Variants in MGRN1 observed in about 807,000 individuals in gnomAD.
MGRN1 encodes the protein mahogunin ring finger 1.
Under a neutral mutation model 69.2 loss-of-function variants are expected in MGRN1, and 29 were observed. The ratio of observed to expected loss-of-function variants is 0.42; its 90% CI spans 0.31 to 0.57. MGRN1 has a LOEUF of 0.57. MGRN1 is among the 20% of genes least tolerant of loss of function. The pLI is 0.15. For synonymous variants in MGRN1, 470 were observed against 344.2 expected (o/e 1.37, Z -4.04); for missense variants, 998 against 796.2 (o/e 1.25, Z -3.05).
intron 10 of MGRN1, 48 bp downstream of exon 10, chr16:4,673,705 A>T (rs758754143): frequency 6.2e-7 from 1 of 1,600,632 alleles, no homozygotes; most frequent in East Asian, 2.2e-5. Flanking sequence ...GAAATTAGGG[A>T]CTGGCCACAC....
At chr16:4,651,157 A>C (rs2078398463) in intron 2 of MGRN1, 1 of 152,226 alleles carries the variant, frequency 6.6e-6, no homozygotes, top group South Asian at 2.1e-4. Context: ...AGTGGGCAAG[A>C]GACATGGTCC....
chr16:4,643,333 T>C (rs2078203499), intron 1 of MGRN1, among the ~76,000 whole-genome samples: 1 of 151,872 alleles, frequency 6.6e-6, no homozygotes. Context: ...TGGGCTCAAG[T>C]GAACCTCCCA....
intron 5 of MGRN1, 25 bp downstream of exon 5, chr16:4,657,388 G>A: frequency 6.3e-7 from 1 of 1,599,156 alleles, no homozygotes; most frequent in African/African-American, 1.3e-5. Context: ...GCGGCTCCTT[G>A]CCCTTCGCTC....
intron 1 of MGRN1, among the ~76,000 whole-genome samples, chr16:4,626,413 C>G (rs965739827): frequency 6.6e-6 from 1 of 152,158 alleles, no homozygotes; most frequent in Non-Finnish European, 1.5e-5. Context: ...TGATATTCTT[C>G]CAGCCTGCCT....
chr16:4,625,306 C>T (rs1435565618), intron 1 of MGRN1, among the ~76,000 whole-genome samples: 2 of 152,222 alleles, frequency 1.3e-5, no homozygotes, highest in Non-Finnish European at 2.9e-5. Context: ...CCCCGGGCAC[C>T]TCAGCTCCGT....
At chr16:4,630,141 C>G (rs930467341) in intron 1 of MGRN1, among the ~76,000 whole-genome samples, 5 of 150,578 alleles carry the variant, frequency 3.3e-5, no homozygotes, top group African/African-American at 9.8e-5. Context: ...TGCCTGAGCT[C>G]AGGAGTTTGA....
intron 5 of MGRN1, 108 bp downstream of exon 5, chr16:4,657,471 A>G: frequency 4.5e-6 from 5 of 1,123,176 alleles, no homozygotes; most frequent in East Asian, 2.4e-5. Flanking sequence ...TCCAGGGTTC[A>G]TAAGACCTGG....
chr16:4,671,229 A>G, intron 8 of MGRN1, 162 bp from the exon 9 acceptor site: 2 of 642,618 alleles, frequency 3.1e-6, no homozygotes, highest in South Asian at 3.7e-5. Context: ...GGGGGCAAGC[A>G]GCAGGTTTTC....
intron 1 of MGRN1, among the ~76,000 whole-genome samples, chr16:4,636,604 T>C (rs1272920409): frequency 6.6e-6 from 1 of 152,182 alleles, no homozygotes; most frequent in Non-Finnish European, 1.5e-5. Context: ...CGAATTTGCA[T>C]GTCTGCAGGC....
intron 9 of MGRN1, among the ~76,000 whole-genome samples, chr16:4,673,248 A>G (rs1157669694): frequency 1.3e-5 from 2 of 152,146 alleles, no homozygotes; most frequent in Admixed American, 6.5e-5. Context: ...AAGAACAGAA[A>G]GAGACCATGT....
Position 4,664,822 on chromosome 16 carries a change from G to GA in MGRN1, c.628+48dup, listed in dbSNP as rs776561954. On this transcript the variant is annotated intron_variant, in intron 6 of 16. Coordinates refer to ENST00000262370, the MANE Select transcript of MGRN1 (RefSeq NM_015246.4). ...CTCCTGGGCGTGCAGGCCGTGCAGGGAGGAAGCACGTCTTGAGGGAGGAGT... is the reference window on the plus strand; with the variant it reads ...CTCCTGGGCGTGCAGGCCGTGCAGGGAAGGAAGCACGTCTTGAGGGAGGAGT... 1.9e-6 allele frequency: 3 copies of GA among 1,603,674 alleles called. No homozygotes were observed. In the African/African-American group the frequency reaches 4.0e-5, roughly 21 times the overall value.
chr16:4,661,858 G>A (rs1224429324), intron 5 of MGRN1, among the ~76,000 whole-genome samples: 1 of 152,238 alleles, frequency 6.6e-6, no homozygotes, highest in Non-Finnish European at 1.5e-5. Context: ...TGCCTGCCCA[G>A]GGCTTCTTGT....
chr16:4,687,606 C>CACACACACACAT, intron 16 of MGRN1: 1 of 985,074 alleles, frequency 1.0e-6, no homozygotes, highest in African/African-American at 1.8e-5. Context: ...CACACACACA[C>CACACACACACAT]ACGGGGGAGA....
intron 1 of MGRN1, among the ~76,000 whole-genome samples, chr16:4,630,091 C>T (rs1393752473): frequency 6.7e-6 from 1 of 148,712 alleles, no homozygotes; most frequent in Non-Finnish European, 1.5e-5. Flanking sequence ...GTGGCTCGCG[C>T]CTGTAATCCT....
Position 4,688,953 on chromosome 16 carries a change from T to A in MGRN1, c.*45T>A. The A allele has an allele frequency of 6.6e-7, 1 of 1,507,734 alleles. No homozygotes were observed. The highest frequency in any genetic ancestry group is 8.9e-7 in the Non-Finnish European group (1 of 1,120,058). The allele number at this position is 1,507,734 out of a possible 1,614,324, so 93.4% of individuals were successfully genotyped here. On this transcript the variant is annotated 3_prime_UTR_variant, in exon 17 of 17. Transcript: ENST00000262370. ...GCATGGAGCCCTCGGCTCCCCAGACTTTGCCGAGGGGCTGCTCCGGACCCC... is the reference window on the plus strand; with the variant it reads ...GCATGGAGCCCTCGGCTCCCCAGACATTGCCGAGGGGCTGCTCCGGACCCC...
intron 16 of MGRN1, among the ~76,000 whole-genome samples, chr16:4,684,986 C>T (rs1352515203): frequency 6.6e-6 from 1 of 152,212 alleles, no homozygotes; most frequent in African/African-American, 2.4e-5. Flanking sequence ...CTCTTGTGCC[C>T]CCGGACTCTG....
At chr16:4,650,197 G>A in intron 1 of MGRN1, 168 bp from the exon 2 acceptor site, 2 of 537,238 alleles carry the variant, frequency 3.7e-6, no homozygotes, top group South Asian at 2.2e-5. Flanking sequence ...CAGCTACTCG[G>A]GAGGCTGAGG....
intron 1 of MGRN1, among the ~76,000 whole-genome samples, chr16:4,648,546 T>G (rs2078327714): frequency 9.7e-6 from 1 of 102,898 alleles, no homozygotes; most frequent in Non-Finnish European, 1.8e-5. Flanking sequence ...GTCACCCGGG[T>G]CCTCCTCCCG....
Position 4,686,765 on chromosome 16 carries a change from A to G in MGRN1, c.1619-2031A>G, listed in dbSNP as rs1034000066. The G allele has an allele frequency of 2.6e-5, 26 of 995,206 alleles. No individual in the cohort carries two copies. The African/African-American group carries it at 3.8e-4, about 15-fold the overall frequency. The allele number at this position is 995,206 out of a possible 1,614,324, so 61.6% of individuals were successfully genotyped here. A position where few individuals can be genotyped will look rare whatever the true frequency, so the allele number is the denominator to read the frequency against. ...TGGCCTTGTTCCGGATGGTCCCACC[A>G]TGAGTTCGCATCGGTCCTGCAGCAG... On this transcript the variant is annotated intron_variant, in intron 16 of 16. Coordinates refer to ENST00000262370, the MANE Select transcript of MGRN1 (RefSeq NM_015246.4).
Sources: allele counts gnomAD v4.1 joint callset (sites outside exome capture counted in the v4.1 genomes callset), GRCh38; gene constraint gnomAD v4.1.1; transcripts MANE v1.5; gene names NCBI Gene and HGNC (gene_info 2026-07-23, HGNC 2026-07-21).